The following ACER1 variants were observed in gnomAD, a reference collection of about 807,000 sequenced individuals.
The protein encoded by ACER1 is alkaline ceramidase 1.
Under a neutral mutation model 24.9 loss-of-function variants are expected in ACER1, and 28 were observed. That is an observed-to-expected ratio of 1.13 (90% CI 0.83 to 1.54). The LOEUF (loss-of-function observed/expected upper bound fraction) is 1.54. Among genes scored for constraint, ACER1 ranks in the 40% most tolerant of loss-of-function variants. The probability of loss-of-function intolerance (pLI) is 0.00; values close to 1 mark genes in which losing one functional copy is unlikely to be tolerated. For missense variants in ACER1, 352 were observed against 349.3 expected (o/e 1.01, Z -0.06); for synonymous variants, 132 against 131.4 (o/e 1.00, Z -0.03).
rs559018793 is a variant in ACER1, at chr19:6,309,461, G to A, written c.488+236C>T. Among the ~76,000 whole-genome samples, 84 of 152,034 alleles carry A rather than the reference G, an allele frequency of 5.5e-4. 1 individual carries two copies. The highest frequency in any genetic ancestry group is 1.0e-3 in the Non-Finnish European group (71 of 68,004). ...TGCTTGAGCCTGGGAGGTGGAGGTTGCAGTGAGCCAAGATCACGCCCCTGC... is the reference window on the plus strand; with the variant it reads ...TGCTTGAGCCTGGGAGGTGGAGGTTACAGTGAGCCAAGATCACGCCCCTGC... On this transcript the variant is annotated intron_variant, in intron 4 of 5. Transcript: ENST00000301452.
chr19:6,350,580 G>T, the ACER1 span, among the ~76,000 whole-genome samples: 2 of 130,862 alleles, frequency 1.5e-5, no homozygotes, highest in African/African-American at 2.6e-5. Context: ...CAAGAAAAAA[G>T]AAAGAAGAGA....
the ACER1 span, among the ~76,000 whole-genome samples, chr19:6,354,861 C>T: frequency 6.6e-6 from 1 of 152,302 alleles, no homozygotes; most frequent in East Asian, 1.9e-4. Context: ...CACGGTCTCC[C>T]ACTGATGCCG....
At chr19:6,353,188 T>G in the ACER1 span, among the ~76,000 whole-genome samples, 1 of 152,144 alleles carries the variant, frequency 6.6e-6, no homozygotes, top group Non-Finnish European at 1.5e-5. Flanking sequence ...AAAAATTAGC[T>G]GGGCGTGGTG....
chr19:6,331,864 C>A (rs2091688740), intron 1 of ACER1, among the ~76,000 whole-genome samples: 1 of 152,120 alleles, frequency 6.6e-6, no homozygotes, highest in African/African-American at 2.4e-5. Context: ...GGGCTCCAGG[C>A]AAACACCTCT....
At chr19:6,313,463 C>T (rs1052928242) in intron 1 of ACER1, among the ~76,000 whole-genome samples, 1 of 152,198 alleles carries the variant, frequency 6.6e-6, no homozygotes, top group Non-Finnish European at 1.5e-5. Context: ...ACTGGGCACA[C>T]AGCTTACCCA....
the ACER1 span, among the ~76,000 whole-genome samples, chr19:6,351,256 C>T: frequency 2.6e-5 from 4 of 152,052 alleles, no homozygotes; most frequent in African/African-American, 7.2e-5. Flanking sequence ...GTCCCAGCTA[C>T]GCAGGAGTCT....
At chr19:6,311,157 G>T (rs959064350) in intron 3 of ACER1, among the ~76,000 whole-genome samples, 15 of 151,406 alleles carry the variant, frequency 9.9e-5, no homozygotes, top group African/African-American at 3.6e-4. Flanking sequence ...ATGTCAGACA[G>T]TGGCTCTCCA....
Position 6,328,233 on chromosome 19 carries a change from G to A in ACER1, c.93+5226C>T, listed in dbSNP as rs139224283. ...TGGCCAGGCGTGGTGGCTCATGGCT[G>A]TAATCCCAGTACTTTGGGAGGCCAA... On this transcript the variant is annotated intron_variant, in intron 1 of 5. Coordinates refer to ENST00000301452, the MANE Select transcript of ACER1 (RefSeq NM_133492.3). 4.6e-3 allele frequency among the ~76,000 whole-genome samples: 699 copies of A among 152,062 alleles called. 4 individuals are homozygous for A. Among genetic ancestry groups the A allele is most frequent in the African/African-American group, 0.016 (659 of 41,484 alleles).
At position 6,309,712 on chromosome 19, in the gene ACER1, C is replaced by A. The variant is rs779260832; in HGVS notation, c.473G>T (p.Cys158Phe). The change falls in exon 4 of 6, where the codon TGC (cysteine) becomes TTC (phenylalanine). Residue 158 changes from cysteine to phenylalanine, a missense_variant. By Grantham distance (205) the Cys-to-Phe change is radical. Transcript: ENST00000301452. Reference sequence around the variant, plus strand: ...CTTCACTCACTTCCTGTACTCCTGGCACACGATGTAGAGAATGTGCAGGGC... The same window carrying A: ...CTTCACTCACTTCCTGTACTCCTGGAACACGATGTAGAGAATGTGCAGGGC... ...SIALHILYIV[C>F]QEYRKTSNKE... 2.2e-5 allele frequency: 35 copies of A among 1,613,772 alleles called. No homozygotes were observed. The highest frequency in any genetic ancestry group is 2.8e-5 in the Non-Finnish European group (33 of 1,179,924).
intron 1 of ACER1, among the ~76,000 whole-genome samples, chr19:6,315,440 C>T (rs138158184): frequency 0.01 from 1,537 of 151,970 alleles, 27 homozygotes; most frequent in African/African-American, 0.033. Context: ...AGTACAGTGG[C>T]GCGATCTCGG....
the ACER1 span, among the ~76,000 whole-genome samples, chr19:6,351,125 G>A: frequency 2.0e-5 from 3 of 152,108 alleles, no homozygotes; most frequent in African/African-American, 7.2e-5. Context: ...TCAGCACTTT[G>A]GGAGGCTGAG....
intron 1 of ACER1, among the ~76,000 whole-genome samples, chr19:6,317,742 T>C (rs553516006): frequency 1.1e-4 from 16 of 152,114 alleles, no homozygotes; most frequent in African/African-American, 3.1e-4. Flanking sequence ...TTTTTGTTTG[T>C]TAGTTTTGTT....
rs769279708 is a variant in ACER1, at chr19:6,307,306, G to T, written c.489-16C>A. The T allele has an allele frequency of 3.7e-6, 6 of 1,613,344 alleles. No individual in the cohort carries two copies. The highest frequency in any genetic ancestry group is 4.2e-6 in the Non-Finnish European group (5 of 1,179,858). On this transcript the variant is annotated splice_polypyrimidine_tract_variant and intron_variant, in intron 4 of 5. Coordinates refer to ENST00000301452, the MANE Select transcript of ACER1 (RefSeq NM_133492.3). ...ATTGCTGGTCCTAGAGAGGGGAGAGGGGGACCAGGGGCTGGCTCGGAGAGC... is the reference window on the plus strand; with the variant it reads ...ATTGCTGGTCCTAGAGAGGGGAGAGTGGGACCAGGGGCTGGCTCGGAGAGC...
the ACER1 span, among the ~76,000 whole-genome samples, chr19:6,344,308 G>A: frequency 6.6e-6 from 1 of 151,378 alleles, no homozygotes; most frequent in African/African-American, 2.4e-5. Flanking sequence ...GCCAGGCATG[G>A]TGGGGCACCT....
intron 3 of ACER1, among the ~76,000 whole-genome samples, chr19:6,310,962 C>G (rs1184472641): frequency 6.6e-6 from 1 of 151,254 alleles, no homozygotes; most frequent in East Asian, 1.9e-4. Context: ...TCTCAGGGAG[C>G]CCAGGTGAGC....
chr19:6,328,952 T>C (rs934436377), intron 1 of ACER1, among the ~76,000 whole-genome samples: 2 of 151,772 alleles, frequency 1.3e-5, no homozygotes, highest in Admixed American at 1.3e-4. Flanking sequence ...TGGGATTACA[T>C]GTGTGAGCCA....
the ACER1 span, among the ~76,000 whole-genome samples, chr19:6,347,098 CA>C: frequency 3.5e-4 from 29 of 81,974 alleles, no homozygotes; most frequent in Non-Finnish European, 4.2e-4. Flanking sequence ...CCTGTCTCTA[CA>C]AAAAAAAAAA....
At chr19:6,347,339 G>C in the ACER1 span, among the ~76,000 whole-genome samples, 1 of 149,210 alleles carries the variant, frequency 6.7e-6, no homozygotes, top group African/African-American at 2.5e-5. Context: ...TCCCACCTCA[G>C]CCTCGTTAGT....
chr19:6,326,437 T>A (rs190659688), intron 1 of ACER1, among the ~76,000 whole-genome samples: 144 of 151,878 alleles, frequency 9.5e-4, no homozygotes, highest in African/African-American at 3.3e-3. Context: ...ATTTTTTTTT[T>A]AATCTTTTGT....
Sources: gnomAD v4.1 joint callset for allele counts (sites outside exome capture counted in the v4.1 genomes callset) on GRCh38, gnomAD v4.1.1 for gene constraint, MANE v1.5 for transcripts, NCBI Gene and HGNC (gene_info 2026-07-23, HGNC 2026-07-21) for gene names.